Variants in TMEM131 observed in about 807,000 individuals in gnomAD.
TMEM131 encodes the protein transmembrane protein 131, also known as 2610524E03Rik.
Under a neutral mutation model 211.6 loss-of-function variants are expected in TMEM131, and 66 were observed. The ratio of observed to expected loss-of-function variants is 0.31; its 90% confidence interval spans 0.26 to 0.38. The LOEUF (loss-of-function observed/expected upper bound fraction) is 0.38, where lower values mean the gene tolerates loss of function less well. Among genes scored for constraint, TMEM131 ranks in the 10% least tolerant of loss-of-function variants. The pLI is 1.00. For missense variants in TMEM131, 2,036 were observed against 2,299.3 expected (o/e 0.89, Z 2.34); for synonymous variants, 844 against 841.3 (o/e 1.00, Z -0.06).
At chr2:97,816,769 T>G (rs1194652482) in intron 12 of TMEM131, among the ~76,000 whole-genome samples, 1 of 152,196 alleles carries the variant, frequency 6.6e-6, no homozygotes, top group East Asian at 1.9e-4. Flanking sequence ...GCAAATAAAG[T>G]GGTCAAAAAG....
rs1156470711 is a variant in TMEM131 at position 97,814,265 on chromosome 2, C to T, written c.1416G>A (p.Leu472=). 6.2e-7 allele frequency: 1 copy of T among 1,613,762 alleles called. No homozygotes were observed. Among genetic ancestry groups the T allele is most frequent in the South Asian group, 1.1e-5 (1 of 91,050 alleles). ...FSFAILIHDV[L]LPEEAKTMFK... is the part of the protein sequence containing the mutation. ...ACATTGTTTTGGCTTCTTCTGGTAGCAACACATCGTGAATGAGGATCGCAA... is the reference window on the plus strand; with the variant it reads ...ACATTGTTTTGGCTTCTTCTGGTAGTAACACATCGTGAATGAGGATCGCAA... The change falls in exon 14 of 41, where the codon TTG becomes TTA. Residue 472 remains leucine, a synonymous_variant. Transcript: ENST00000186436.
chr2:97,820,614 G>A (rs936274502), intron 11 of TMEM131, among the ~76,000 whole-genome samples: 6 of 152,078 alleles, frequency 3.9e-5, no homozygotes, highest in African/African-American at 1.2e-4. Context: ...GTCCTAGCAC[G>A]TTGGGAGGCC....
intron 1 of TMEM131, among the ~76,000 whole-genome samples, chr2:97,928,677 G>A (rs1322665087): frequency 6.6e-6 from 1 of 151,784 alleles, no homozygotes; most frequent in East Asian, 1.9e-4. Flanking sequence ...ATGTATTCTA[G>A]TTAATAATGC....
intron 3 of TMEM131, among the ~76,000 whole-genome samples, chr2:97,901,556 CA>C (rs1675854412): frequency 6.6e-6 from 1 of 151,594 alleles, no homozygotes; most frequent in African/African-American, 2.4e-5. Context: ...AATGGATGAA[CA>C]AAGAAAATAG....
chr2:97,807,638 C>A (rs935268290), intron 19 of TMEM131, among the ~76,000 whole-genome samples: 1 of 152,184 alleles, frequency 6.6e-6, no homozygotes, highest in African/African-American at 2.4e-5. Flanking sequence ...TTTATAGCAA[C>A]ACAAATGGAT....
intron 4 of TMEM131, among the ~76,000 whole-genome samples, chr2:97,876,591 T>C (rs548412700): frequency 1.3e-5 from 2 of 152,214 alleles, no homozygotes; most frequent in East Asian, 3.9e-4. Flanking sequence ...ACAGAACCAA[T>C]GACAAAAGCC....
chr2:97,957,112 A>T (rs80024339), intron 1 of TMEM131, among the ~76,000 whole-genome samples: 49,006 of 150,550 alleles, frequency 0.33, 8,776 homozygotes, highest in Non-Finnish European at 0.39. Flanking sequence ...AAAAAAAAAA[A>T]GTTATCCTAC....
intron 2 of TMEM131, among the ~76,000 whole-genome samples, chr2:97,923,624 TTTTTAAAAA>T: frequency 1.6e-5 from 1 of 61,608 alleles, no homozygotes; most frequent in African/African-American, 6.5e-5. Flanking sequence ...ACTGTCTTTT[TTTTTAAAAA>T]AAAAAAAAAA....
At chr2:97,759,486 G>A (rs1678700543) in intron 39 of TMEM131, 166 bp downstream of exon 39, 1 of 615,318 alleles carries the variant, frequency 1.6e-6, no homozygotes, top group South Asian at 2.0e-5. Flanking sequence ...TGGGCTGCTG[G>A]TGTGGATGAG....
At chr2:97,888,615 C>T (rs530088821) in intron 3 of TMEM131, among the ~76,000 whole-genome samples, 2 of 152,334 alleles carry the variant, frequency 1.3e-5, no homozygotes, top group African/African-American at 4.8e-5. Flanking sequence ...GTTTGGAATA[C>T]ACTAGAACTG....
At chr2:97,796,123 T>C in intron 28 of TMEM131, 95 bp downstream of exon 28, 1 of 668,738 alleles carries the variant, frequency 1.5e-6, no homozygotes, top group South Asian at 2.7e-5. Context: ...TGAATGCATT[T>C]GTGGATAAAG....
At chr2:97,895,812 C>A (rs1321604062) in intron 3 of TMEM131, among the ~76,000 whole-genome samples, 17 of 152,148 alleles carry the variant, frequency 1.1e-4, no homozygotes, top group African/African-American at 3.8e-4. Context: ...TTTTCAAAAA[C>A]ACAGCTCCTG....
At chr2:97,793,293 T>G (rs1269060033) in intron 30 of TMEM131, 102 bp downstream of exon 30, 1 of 1,283,570 alleles carries the variant, frequency 7.8e-7, no homozygotes, top group African/African-American at 1.5e-5. Flanking sequence ...ATTAAGATTT[T>G]TTTTCTCCTG....
rs149503811 is a variant in TMEM131, at chr2:97,921,127, G to A, written c.249+6299C>T. On this transcript the variant is annotated intron_variant, in intron 2 of 40. Coordinates refer to ENST00000186436, the MANE Select transcript of TMEM131 (RefSeq NM_015348.2). The stretch of plus-strand genomic sequence containing the variant: ...AAATATCAAAACTTTAAAAACTATA[G>A]TCATTAAAACGGTGACCCTGGTATT... 8.9e-4 allele frequency among the ~76,000 whole-genome samples: 135 copies of A among 152,156 alleles called. 1 individual carries two copies. The East Asian group carries it at 0.016, about 18-fold the overall frequency.
intron 32 of TMEM131, among the ~76,000 whole-genome samples, chr2:97,773,490 G>A (rs112109773): frequency 6.6e-6 from 1 of 152,212 alleles, no homozygotes; most frequent in Middle Eastern, 3.4e-3. Flanking sequence ...CATCCAAGAC[G>A]CATCTTAAAG....
At chr2:97,872,862 C>T (rs1193440304) in intron 4 of TMEM131, among the ~76,000 whole-genome samples, 1 of 152,188 alleles carries the variant, frequency 6.6e-6, no homozygotes, top group Non-Finnish European at 1.5e-5. Flanking sequence ...TTTCCATACC[C>T]CATTGGCACC....
intron 7 of TMEM131, among the ~76,000 whole-genome samples, chr2:97,839,682 G>A (rs1476626001): frequency 1.3e-5 from 2 of 152,224 alleles, no homozygotes; most frequent in African/African-American, 4.8e-5. Context: ...TGGTGTCCAC[G>A]AGGAAGGGCT....
intron 12 of TMEM131, among the ~76,000 whole-genome samples, chr2:97,817,494 G>T (rs1381234033): frequency 6.6e-6 from 1 of 152,200 alleles, no homozygotes; most frequent in East Asian, 1.9e-4. Context: ...ACTGACACTG[G>T]TAGGCATGAA....
At chr2:97,889,989 C>A (rs1675314733) in intron 3 of TMEM131, among the ~76,000 whole-genome samples, 1 of 152,114 alleles carries the variant, frequency 6.6e-6, no homozygotes, top group South Asian at 2.1e-4. Flanking sequence ...TGAGGAGGGA[C>A]ACTGCTGCCA....
Sources: allele counts gnomAD v4.1 joint callset (sites outside exome capture counted in the v4.1 genomes callset), GRCh38; gene constraint gnomAD v4.1.1; transcripts MANE v1.5; gene names NCBI Gene and HGNC (gene_info 2026-07-23, HGNC 2026-07-21).